RPF2: variants seen among roughly 807,000 people sequenced by gnomAD.
RPF2 encodes the protein brix domain containing 1.
In RPF2, 21 loss-of-function variants were observed where a neutral mutation model predicts 38.9. That is an observed-to-expected ratio of 0.54 (90% CI 0.38 to 0.78). The LOEUF (loss-of-function observed/expected upper bound fraction) is 0.78, where lower values mean the gene tolerates loss of function less well. Among genes scored for constraint, RPF2 ranks in the 30% least tolerant of loss-of-function variants. The probability of loss-of-function intolerance (pLI) is 0.00; values close to 1 mark genes in which losing one functional copy is unlikely to be tolerated. For missense variants in RPF2, 314 were observed against 358.1 expected (o/e 0.88, Z 0.99); for synonymous variants, 121 against 126.2 (o/e 0.96, Z 0.28).
At chr6:110,984,034 A>G (rs1771480296) in intron 1 of RPF2, among the ~76,000 whole-genome samples, 1 of 152,100 alleles carries the variant, frequency 6.6e-6, no homozygotes, top group East Asian at 1.9e-4. Flanking sequence ...GTCTCAAAAA[A>G]ATAAATAAAT....
intron 7 of RPF2, among the ~76,000 whole-genome samples, chr6:111,012,359 A>G (rs1772032314): frequency 6.6e-6 from 1 of 151,932 alleles, no homozygotes; most frequent in African/African-American, 2.4e-5. Context: ...TCTTGTAGAC[A>G]TGAGGTCTTG....
chr6:110,998,963 A>T (rs12193607), intron 5 of RPF2, among the ~76,000 whole-genome samples: 13,617 of 151,070 alleles, frequency 0.09, 687 homozygotes, highest in Middle Eastern at 0.13. Context: ...AAAAAAAAAA[A>T]TTTATGTCGG....
intron 2 of RPF2, among the ~76,000 whole-genome samples, chr6:110,985,796 G>C (rs1207961208): frequency 1.3e-5 from 2 of 152,066 alleles, no homozygotes; most frequent in Non-Finnish European, 2.9e-5. Context: ...AAATTAGCCG[G>C]GTGTGGTGGC....
At position 110,997,208 on chromosome 6, in the gene RPF2, G is replaced by T. The variant is rs1265197131; in HGVS notation, c.260G>T (p.Cys87Phe). 6.3e-7 allele frequency: 1 copy of T among 1,598,430 alleles called. No homozygotes were observed. Among genetic ancestry groups the T allele is most frequent in the Non-Finnish European group, 8.6e-7 (1 of 1,167,426 alleles). The change falls in exon 5 of 10, where the codon TGT becomes TTT. Residue 87 changes from cysteine (C) to phenylalanine (F), a missense_variant. Physicochemically the swap from Cys to Phe is radical, Grantham distance 205. Transcript: ENST00000441448. ...SLEFFSKKSD[C>F]SLFMFGSHNK... ...GAATTCTTTTCAAAGAAGTCAGATTGTTCTTTATTCATGTTTGGCTCCCAT... is the reference window on the plus strand; with the variant it reads ...GAATTCTTTTCAAAGAAGTCAGATTTTTCTTTATTCATGTTTGGCTCCCAT...
Position 111,015,793 on chromosome 6 carries a change from C to G in RPF2, c.533C>G (p.Ala178Gly). Residue 178 changes from alanine (A) to glycine (G), a missense_variant, in exon 8 of 10, where the codon GCT becomes GGT. Physicochemically the swap from Ala to Gly is moderately conservative, Grantham distance 60. Coordinates refer to ENST00000441448, the MANE Select transcript of RPF2 (RefSeq NM_032194.3). The stretch of plus-strand genomic sequence containing the variant: ...CCCACAGTATCAAATATCCGCCTGG[C>G]TGGATTAGAGTATGTTCTGCACTTC... ...RGPTVSNIRL[A>G]GLEYVLHFTA... is the part of the protein sequence containing the mutation. 1 of 1,612,952 alleles carries G rather than the reference C, an allele frequency of 6.2e-7. No individual in the cohort carries two copies. Among genetic ancestry groups the G allele is most frequent in the Non-Finnish European group, 8.5e-7 (1 of 1,179,080 alleles).
At chr6:111,010,696 T>A (rs577698892) in intron 7 of RPF2, among the ~76,000 whole-genome samples, 1 of 152,366 alleles carries the variant, frequency 6.6e-6, no homozygotes, top group Non-Finnish European at 1.5e-5. Context: ...TTATATACTT[T>A]GCTGTAGATC....
rs145525505 is a variant in RPF2, at chr6:111,020,587, C to T, written c.597-3596C>T. Reference sequence around the variant, plus strand: ...TTAGAGCAAGAATAAACTGGCCCAGCGTGGTGGCTCATGCCTGTAATCCAG... The same window carrying T: ...TTAGAGCAAGAATAAACTGGCCCAGTGTGGTGGCTCATGCCTGTAATCCAG... On this transcript the variant is annotated intron_variant, in intron 8 of 9. Coordinates refer to ENST00000441448, the MANE Select transcript of RPF2 (RefSeq NM_032194.3). Among the ~76,000 whole-genome samples the T allele has an allele frequency of 4.2e-4, 64 of 152,266 alleles. 1 individual carries two copies. The highest frequency in any genetic ancestry group is 5.9e-4 in the Non-Finnish European group (40 of 68,026).
At chr6:111,019,031 C>T (rs1772180114) in intron 8 of RPF2, among the ~76,000 whole-genome samples, 1 of 152,020 alleles carries the variant, frequency 6.6e-6, no homozygotes, top group Non-Finnish European at 1.5e-5. Flanking sequence ...GCCTGGCCAA[C>T]ACAGCGAAAC....
At chr6:111,013,714 T>C (rs1772058175) in intron 7 of RPF2, among the ~76,000 whole-genome samples, 1 of 152,222 alleles carries the variant, frequency 6.6e-6, no homozygotes, top group South Asian at 2.1e-4. Context: ...ACTTCAGTAA[T>C]GCCACACCAA....
chr6:111,011,984 A>C lies in RPF2; in HGVS notation c.494-3770A>C, dbSNP rs9481136. The stretch of plus-strand genomic sequence containing the variant: ...TTTCAGTATAAATATGAAGTAAAAC[A>C]ACTGCTCTTTGGTTTATGTTGTGTG... On this transcript the variant is annotated intron_variant, in intron 7 of 9. Coordinates refer to ENST00000441448, the MANE Select transcript of RPF2 (RefSeq NM_032194.3). 7.5e-3 allele frequency among the ~76,000 whole-genome samples: 1,138 copies of C among 152,206 alleles called. 23 individuals are homozygous for C. Among genetic ancestry groups the C allele is most frequent in the African/African-American group, 0.026 (1,091 of 41,528 alleles).
intron 2 of RPF2, 181 bp from the exon 3 acceptor site, chr6:110,988,847 C>G (rs1187114387): frequency 1.1e-5 from 8 of 737,562 alleles, no homozygotes; most frequent in Non-Finnish European, 1.7e-5. Context: ...AAGTCTAGTC[C>G]AAGAATATTA....
chr6:111,022,972 C>T (rs919382286), intron 8 of RPF2, among the ~76,000 whole-genome samples: 1 of 152,256 alleles, frequency 6.6e-6, no homozygotes, highest in African/African-American at 2.4e-5. Flanking sequence ...GATCTCGGCT[C>T]ACTGCAACCT....
At chr6:110,992,981 G>A (rs757462008) in intron 4 of RPF2, among the ~76,000 whole-genome samples, 1 of 152,074 alleles carries the variant, frequency 6.6e-6, no homozygotes, top group Admixed American at 6.6e-5. Flanking sequence ...TGTTTATTTT[G>A]AAATAGGGTC....
chr6:111,017,505 T>G, intron 8 of RPF2, among the ~76,000 whole-genome samples: 1 of 139,688 alleles, frequency 7.2e-6, no homozygotes, highest in African/African-American at 2.7e-5. Context: ...ATGGGGCGGC[T>G]GCCGGGCGGA....
intron 5 of RPF2, among the ~76,000 whole-genome samples, chr6:110,997,874 C>G (rs1771744244): frequency 6.6e-6 from 1 of 151,220 alleles, no homozygotes; most frequent in Non-Finnish European, 1.5e-5. Context: ...GTTGGTGTCT[C>G]TTCTCCCTTG....
chr6:110,993,508 AT>A (rs1562367273), intron 4 of RPF2, among the ~76,000 whole-genome samples: 1 of 152,176 alleles, frequency 6.6e-6, no homozygotes, highest in Non-Finnish European at 1.5e-5. Flanking sequence ...GAAAGTAAAA[AT>A]ATAAGATTTA....
chr6:110,998,043 T>C (rs1178122855), intron 5 of RPF2, among the ~76,000 whole-genome samples: 1 of 152,086 alleles, frequency 6.6e-6, no homozygotes, highest in African/African-American at 2.4e-5. Context: ...TAGCTGGGAC[T>C]ACAAGTGCCC....
chr6:110,986,729 G>A (rs1390645918), intron 2 of RPF2, among the ~76,000 whole-genome samples: 4 of 152,016 alleles, frequency 2.6e-5, no homozygotes, highest in Admixed American at 6.6e-5. Flanking sequence ...CGAGGTGGGC[G>A]GATCACGGGG....
chr6:110,992,830 A>G (rs1771643037), intron 4 of RPF2, among the ~76,000 whole-genome samples: 1 of 152,184 alleles, frequency 6.6e-6, no homozygotes, highest in African/African-American at 2.4e-5. Context: ...TAATCCCAGC[A>G]CTTTGGGAGG....
Sources: allele counts gnomAD v4.1 joint callset (sites outside exome capture counted in the v4.1 genomes callset), GRCh38; gene constraint gnomAD v4.1.1; transcripts MANE v1.5; gene names NCBI Gene and HGNC (gene_info 2026-07-23, HGNC 2026-07-21).